Variants in LINGO2 observed in about 807,000 individuals in gnomAD.
LINGO2 encodes the protein leucine-rich repeat and immunoglobulin-like domain-containing nogo receptor-interacting protein 2.
In LINGO2, 14 loss-of-function variants were observed where a neutral mutation model predicts 30.6. That is an observed-to-expected ratio of 0.46 (90% CI 0.30 to 0.72). The LOEUF is 0.72. Among genes scored for constraint, LINGO2 ranks in the 30% least tolerant of loss-of-function variants. LINGO2 has a pLI of 0.07. For synonymous variants in LINGO2, 317 were observed against 288.5 expected, an observed-to-expected ratio of 1.10 and a Z score of -1.00; for missense variants, 729 against 751.7, an observed-to-expected ratio of 0.97 and a Z score of 0.35.
chr9:28,980,434 T>A, the LINGO2 span, among the ~76,000 whole-genome samples: 1 of 152,096 alleles, frequency 6.6e-6, no homozygotes, highest in Non-Finnish European at 1.5e-5. Flanking sequence ...GTCTGTATGA[T>A]GGCCAGAAAG....
intron 2 of LINGO2, among the ~76,000 whole-genome samples, chr9:28,470,950 A>C (rs1249460815): frequency 6.7e-6 from 1 of 148,244 alleles, no homozygotes; most frequent in Non-Finnish European, 1.5e-5. Context: ...TATATTATAC[A>C]TAATTTTCTT....
At chr9:28,015,927 A>T (rs1029283863) in intron 4 of LINGO2, among the ~76,000 whole-genome samples, 7 of 151,458 alleles carry the variant, frequency 4.6e-5, no homozygotes, top group African/African-American at 1.7e-4. Context: ...ACAAGAGGAG[A>T]CCAAATAATC....
chr9:28,366,389 C>A (rs1326968611), intron 3 of LINGO2, among the ~76,000 whole-genome samples: 1 of 152,160 alleles, frequency 6.6e-6, no homozygotes, highest in Non-Finnish European at 1.5e-5. Context: ...CCATGTTTTA[C>A]AATAATGTTC....
chr9:28,761,168 A>G, the LINGO2 span, among the ~76,000 whole-genome samples: 1 of 151,956 alleles, frequency 6.6e-6, no homozygotes, highest in Non-Finnish European at 1.5e-5. Context: ...ACTTTCATAA[A>G]GAAATATTAT....
rs1828738050 is a variant in LINGO2 at position 28,175,932 on chromosome 9, G to T, written c.-87+119276C>A. ...TATTCTGATGGTGGAGGTCAAGGAG[G>T]CAACATGCCTTTGTTTATACTGATA... On this transcript the variant is annotated intron_variant, in intron 4 of 5. Coordinates refer to ENST00000379992, the Ensembl canonical transcript of LINGO2. Among the ~76,000 whole-genome samples the T allele has an allele frequency of 2.0e-5, 3 of 152,130 alleles. No individual in the cohort carries two copies. The South Asian group carries it at 6.2e-4, about 31-fold the overall frequency.
the LINGO2 span, among the ~76,000 whole-genome samples, chr9:28,888,597 A>G: frequency 6.6e-6 from 1 of 152,138 alleles, no homozygotes; most frequent in Non-Finnish European, 1.5e-5. Flanking sequence ...ATTTCATTGA[A>G]TAATTTATGT....
At chr9:28,420,291 G>A (rs576600999) in intron 2 of LINGO2, among the ~76,000 whole-genome samples, 132 of 152,080 alleles carry the variant, frequency 8.7e-4, no homozygotes, top group South Asian at 1.2e-3. Flanking sequence ...TTAATTACAA[G>A]GTCAATTTTA....
intron 2 of LINGO2, among the ~76,000 whole-genome samples, chr9:28,393,228 G>C (rs140795650): frequency 9.6e-4 from 146 of 152,346 alleles, no homozygotes; most frequent in African/African-American, 3.3e-3. Context: ...AGGAACAGCA[G>C]TGAAAAAACA....
At chr9:28,201,297 C>A (rs1820225465) in intron 4 of LINGO2, among the ~76,000 whole-genome samples, 1 of 141,744 alleles carries the variant, frequency 7.1e-6, no homozygotes, top group Non-Finnish European at 1.5e-5. Context: ...TCTCATTGTT[C>A]AATTCCCACC....
intron 4 of LINGO2, among the ~76,000 whole-genome samples, chr9:28,263,029 G>A (rs187517929): frequency 2.8e-4 from 43 of 152,018 alleles, no homozygotes; most frequent in Non-Finnish European, 2.4e-4. Flanking sequence ...CTGGGTTCCC[G>A]TCTCCTAAGG....
chr9:28,913,767 A>G, the LINGO2 span, among the ~76,000 whole-genome samples: 1 of 152,276 alleles, frequency 6.6e-6, no homozygotes, highest in African/African-American at 2.4e-5. Context: ...TTAAGAAACA[A>G]GATGTGCATA....
chr9:29,205,423 C>T, the LINGO2 span, among the ~76,000 whole-genome samples: 2 of 152,178 alleles, frequency 1.3e-5, no homozygotes, highest in South Asian at 2.1e-4. Context: ...TGGGATGAAC[C>T]TAACTTGTTC....
At chr9:28,197,297 C>A (rs551309303) in intron 4 of LINGO2, among the ~76,000 whole-genome samples, 1 of 151,248 alleles carries the variant, frequency 6.6e-6, no homozygotes, top group South Asian at 2.1e-4. Context: ...CTAAGGAAAA[C>A]AAATAGAATA....
intron 5 of LINGO2, among the ~76,000 whole-genome samples, chr9:27,960,913 T>C (rs1466475256): frequency 2.0e-5 from 3 of 152,206 alleles, no homozygotes; most frequent in Non-Finnish European, 4.4e-5. Context: ...TTTTAAACTA[T>C]GTTTTATTAC....
intron 4 of LINGO2, among the ~76,000 whole-genome samples, chr9:28,067,267 G>T (rs1195425017): frequency 2.0e-5 from 3 of 151,874 alleles, no homozygotes; most frequent in Non-Finnish European, 2.9e-5. Context: ...ATTACCAAGA[G>T]GTAATAGTTA....
At chr9:28,418,523 C>T (rs1285804292) in intron 2 of LINGO2, among the ~76,000 whole-genome samples, 10 of 152,110 alleles carry the variant, frequency 6.6e-5, no homozygotes, top group African/African-American at 1.9e-4. Flanking sequence ...GTGATCTGCC[C>T]GCCTGTGCCT....
chr9:29,170,751 C>T, the LINGO2 span, among the ~76,000 whole-genome samples: 1 of 151,714 alleles, frequency 6.6e-6, no homozygotes, highest in African/African-American at 2.4e-5. Context: ...AGTTACTCAA[C>T]AAAATAAACT....
the LINGO2 span, among the ~76,000 whole-genome samples, chr9:29,029,565 C>A: frequency 3.7e-3 from 559 of 152,162 alleles, 2 homozygotes; most frequent in African/African-American, 0.013. Flanking sequence ...ATGAATACTT[C>A]TTGTTTGATA....
chr9:29,070,094 C>CACATAT, the LINGO2 span, among the ~76,000 whole-genome samples: 40,359 of 151,662 alleles, frequency 0.27, 5,686 homozygotes, highest in African/African-American at 0.35. Context: ...CATACACATA[C>CACATAT]ATATATTCAC....
Sources: gnomAD v4.1 joint callset for allele counts (sites outside exome capture counted in the v4.1 genomes callset) on GRCh38, gnomAD v4.1.1 for gene constraint, MANE v1.5 for transcripts, NCBI Gene and HGNC (gene_info 2026-07-23, HGNC 2026-07-21) for gene names.